The following HSPG2 variants were observed in gnomAD, a reference collection of about 807,000 sequenced individuals.
The protein encoded by HSPG2 is basement membrane-specific heparan sulfate proteoglycan core protein.
In HSPG2, 278 loss-of-function variants were observed where a neutral mutation model predicts 526.6. That is an observed-to-expected ratio of 0.53 (90% CI 0.48 to 0.58). The LOEUF (loss-of-function observed/expected upper bound fraction) is 0.58, where lower values mean the gene tolerates loss of function less well. Ranked by LOEUF, HSPG2 falls within the 20% of genes least tolerant of loss-of-function variation. The pLI is 0.00. For missense variants in HSPG2, 5,354 were observed against 6,099.5 expected, an observed-to-expected ratio of 0.88 and a Z score of 4.07; for synonymous variants, 2,465 against 2,555.4, an observed-to-expected ratio of 0.96 and a Z score of 1.07.
Position 21,847,054 on chromosome 1 carries a change from C to T in HSPG2, c.8164+300G>A, listed in dbSNP as rs1034551341. Among the ~76,000 whole-genome samples, 1 of 152,184 alleles carries T rather than the reference C, an allele frequency of 6.6e-6. No homozygotes were observed. Among genetic ancestry groups the T allele is most frequent in the Non-Finnish European group, 1.5e-5 (1 of 68,042 alleles). ...CACTTATAAAGCACTTCTGGCATGC[C>T]AGGCACGCTCTAAGCACATTACATG... On this transcript the variant is annotated intron_variant, in intron 62 of 96. Coordinates refer to ENST00000374695, the MANE Select transcript of HSPG2 (RefSeq NM_005529.7). The surrounding 1 kb of genome is among the most constrained non-coding windows in gnomAD (Gnocchi z 4.1).
intron 66 of HSPG2, 49 bp from the exon 67 acceptor site, chr1:21,842,970 G>T (rs1303794585): frequency 6.2e-7 from 1 of 1,608,540 alleles, no homozygotes; most frequent in African/African-American, 1.3e-5. Flanking sequence ...GGGGATCAAG[G>T]CAGGGGCTGA....
chr1:21,854,910 A>T lies in HSPG2; in HGVS notation c.6071T>A (p.Leu2024His), dbSNP rs145943896. 262 of 1,613,994 alleles carry T rather than the reference A, an allele frequency of 1.6e-4. 1 individual carries two copies. The highest frequency in any genetic ancestry group is 2.1e-4 in the Non-Finnish European group (244 of 1,180,028). ...AITTADAGFY[L>H]CVATSPAGTA... ...GCCTGCAGGGCTGGTGGCCACGCAGAGGTAGAAGCCGGCGTCAGCAGTCGT... is the reference window on the plus strand; with the variant it reads ...GCCTGCAGGGCTGGTGGCCACGCAGTGGTAGAAGCCGGCGTCAGCAGTCGT... Residue 2024 changes from leucine to histidine, a missense_variant, in exon 48 of 97, where the codon CTC becomes CAC. By Grantham distance (99) the Leu-to-His change is moderately conservative. Transcript: ENST00000374695.
chr1:21,863,675 A>G (rs1640001474), intron 37 of HSPG2, among the ~76,000 whole-genome samples: 1 of 150,392 alleles, frequency 6.6e-6, no homozygotes, highest in Non-Finnish European at 1.5e-5. Flanking sequence ...TGAACCCAGG[A>G]GGCAGAACGA....
chr1:21,835,303 C>T, intron 76 of HSPG2: 1 of 604,462 alleles, frequency 1.7e-6, no homozygotes, highest in South Asian at 1.9e-5. Flanking sequence ...CTGATTCAAT[C>T]TTCATCGGTT....
At chr1:21,875,482 G>C in intron 25 of HSPG2, 147 bp downstream of exon 25, 1 of 718,068 alleles carries the variant, frequency 1.4e-6, no homozygotes. Flanking sequence ...CTGTATGGGA[G>C]ACATTGTTAA....
chr1:21,857,132 C>A lies in HSPG2; in HGVS notation c.5458G>T (p.Asp1820Tyr). Residue 1820 changes from aspartate to tyrosine, a missense_variant, in exon 44 of 97, where the codon GAT becomes TAT. By Grantham distance (160) the Asp-to-Tyr change is radical. Transcript: ENST00000374695. ...HNGKLPTRAM[D>Y]FNGILTIRNV... ...CGAATGGTCAGGATGCCATTGAAAT[C>A]CATGGCTCGGGTGGGCAGTTTCCCG... is the stretch of plus-strand genomic sequence containing the variant. The A allele has an allele frequency of 6.2e-7, 1 of 1,614,172 alleles. No individual in the cohort carries two copies. The highest frequency in any genetic ancestry group is 1.3e-5 in the African/African-American group (1 of 75,022).
rs554948304 is a variant in HSPG2, at chr1:21,893,657, C to G, written c.244+2265G>C. Reference sequence around the variant, plus strand: ...CACGGGCGGGCGGCCCAGGGGCTGCCCTGAGCCTGCAGAGTAGAGACAGAG... The same window carrying G: ...CACGGGCGGGCGGCCCAGGGGCTGCGCTGAGCCTGCAGAGTAGAGACAGAG... On this transcript the variant is annotated intron_variant, in intron 3 of 96. Coordinates refer to ENST00000374695, the MANE Select transcript of HSPG2 (RefSeq NM_005529.7). The surrounding 1 kb of genome is among the most constrained non-coding windows in gnomAD (Gnocchi z 4.3). 7.6e-4 allele frequency among the ~76,000 whole-genome samples: 116 copies of G among 151,854 alleles called. No individual in the cohort carries two copies. The highest frequency in any genetic ancestry group is 2.5e-3 in the African/African-American group (103 of 41,428).
chr1:21,896,046 A>G, intron 2 of HSPG2, 80 bp from the exon 3 acceptor site: 2 of 1,587,756 alleles, frequency 1.3e-6, no homozygotes, highest in Non-Finnish European at 1.7e-6. Flanking sequence ...TGTTCTGGGC[A>G]CCTAGTATAC....
chr1:21,919,606 G>A (rs530943719), intron 1 of HSPG2, among the ~76,000 whole-genome samples: 1 of 152,176 alleles, frequency 6.6e-6, no homozygotes, highest in South Asian at 2.1e-4. Flanking sequence ...TCTCTCCAGG[G>A]GTGGTTTTCA....
chr1:21,841,514 C>A, intron 70 of HSPG2, 25 bp downstream of exon 70: 1 of 1,614,012 alleles, frequency 6.2e-7, no homozygotes, highest in Non-Finnish European at 8.5e-7. Context: ...CAGGGCAGAG[C>A]CCCACAGGGT....
At chr1:21,834,180 G>A (rs1031058794) in intron 77 of HSPG2, among the ~76,000 whole-genome samples, 2 of 152,202 alleles carry the variant, frequency 1.3e-5, no homozygotes, top group African/African-American at 4.8e-5. Flanking sequence ...AAAAAATTGT[G>A]CAGCCCTTTG....
rs759163777 is a variant in HSPG2 at position 21,846,857 on chromosome 1, G to A, written c.8165-258C>T. 1.2e-4 allele frequency among the ~76,000 whole-genome samples: 19 copies of A among 152,170 alleles called. No individual in the cohort carries two copies. The South Asian group carries it at 2.1e-3, about 17-fold the overall frequency. On this transcript the variant is annotated intron_variant, in intron 62 of 96. Transcript: ENST00000374695. ...TCTACTAAAAATACAAAAATTAGCC[G>A]GGCACGGTGGCATGTGCCTGTAGTC...
chr1:21,900,853 C>T (rs1345839774), intron 1 of HSPG2, among the ~76,000 whole-genome samples: 1 of 152,024 alleles, frequency 6.6e-6, no homozygotes, highest in Admixed American at 6.5e-5. Flanking sequence ...CCACTGTACT[C>T]CAGCCTGGGC....
intron 1 of HSPG2, among the ~76,000 whole-genome samples, 180 bp downstream of exon 1, chr1:21,936,975 A>G (rs1644504646): frequency 6.6e-6 from 1 of 151,452 alleles, no homozygotes; most frequent in Non-Finnish European, 1.5e-5. Context: ...CCCCTGGATT[A>G]GCCCCATGCC....
In HSPG2 at chr1:21,856,906, T is replaced by A. The variant is rs990040704; in HGVS notation, c.5575+109A>T. 12 of 1,182,400 alleles carry A rather than the reference T, an allele frequency of 1.0e-5. No individual in the cohort carries two copies. In the African/African-American group the frequency reaches 1.2e-4, roughly 12 times the overall value. 73.2% of individuals were successfully genotyped at this position (1,182,400 alleles called of 1,614,324 possible). A position where few individuals can be genotyped will look rare whatever the true frequency, so the allele number is the denominator to read the frequency against. On this transcript the variant is annotated intron_variant, in intron 44 of 96. Transcript: ENST00000374695. Reference sequence around the variant, plus strand: ...GCAGAGCCTAGACCAGGACCAGGCATGCAGCAGGTGCTCAGAAATGATCAG... The same window carrying A: ...GCAGAGCCTAGACCAGGACCAGGCAAGCAGCAGGTGCTCAGAAATGATCAG...
intron 52 of HSPG2, 38 bp downstream of exon 52, chr1:21,852,662 G>C: frequency 6.2e-7 from 1 of 1,612,244 alleles, no homozygotes; most frequent in South Asian, 1.1e-5. Context: ...AGGCCTCTCT[G>C]CCTCCTCCAG....
At chr1:21,891,715 A>C (rs1642377186) in intron 3 of HSPG2, among the ~76,000 whole-genome samples, 2 of 152,096 alleles carry the variant, frequency 1.3e-5, no homozygotes, top group African/African-American at 2.4e-5. Flanking sequence ...GGCTCAAGCT[A>C]TCCTCCCACT....
chr1:21,831,519 C>T lies in HSPG2; in HGVS notation c.11396G>A (p.Gly3799Asp), dbSNP rs770360088. The change falls in exon 83 of 97, where the codon GGT becomes GAT. Residue 3799 changes from glycine (G) to aspartate (D), a missense_variant. Coordinates refer to ENST00000374695, the MANE Select transcript of HSPG2 (RefSeq NM_005529.7). The stretch of plus-strand genomic sequence containing the variant: ...GATGGCACCATAGTCAGGATAGCCA[C>T]CCAGGTAGAGTTCCTCGTTCAGATC... The part of the protein sequence containing the change: ...GLDLNEELYL[G>D]GYPDYGAIPK... The T allele has an allele frequency of 3.1e-6, 5 of 1,614,026 alleles. No homozygotes were observed. Among genetic ancestry groups the T allele is most frequent in the Non-Finnish European group, 3.4e-6 (4 of 1,180,018 alleles).
chr1:21,887,608 C>T lies in HSPG2; in HGVS notation c.770G>A (p.Arg257Gln), dbSNP rs149319607. The T allele has an allele frequency of 6.2e-6, 10 of 1,613,860 alleles. No individual in the cohort carries two copies. The highest frequency in any genetic ancestry group is 1.7e-5 in the Admixed American group (1 of 60,002). Residue 257 changes from arginine (R) to glutamine (Q), a missense_variant, in exon 8 of 97, where the codon CGG becomes CAG. By Grantham distance (43) the Arg-to-Gln change is conservative. Transcript: ENST00000374695. The surrounding 1 kb of genome is among the most constrained non-coding windows in gnomAD (Gnocchi z 5.0). ...LLVETTSLPP[R>Q]PETTIMRQPP... is the part of the protein sequence containing the mutation. ...CTGTCGCATGATGGTTGTCTCTGGC[C>T]GGGGCGGTAAAGATGTCGTCTCCAC...
Sources: allele counts gnomAD v4.1 joint callset (sites outside exome capture counted in the v4.1 genomes callset), GRCh38; gene constraint gnomAD v4.1.1; non-coding constraint Gnocchi (gnomAD v3.1); transcripts MANE v1.5; gene names NCBI Gene and HGNC (gene_info 2026-07-23, HGNC 2026-07-21).